RAP1B: variants seen among roughly 807,000 people sequenced by gnomAD.
The protein encoded by RAP1B is RAP1B, member of RAS oncogene family, also known as ras-related protein Rap-1b.
In RAP1B, 1 loss-of-function variant was observed where a neutral mutation model predicts 27.5. The ratio of observed to expected loss-of-function variants is 0.04; its 90% CI spans 0.01 to 0.17. The LOEUF (loss-of-function observed/expected upper bound fraction) is 0.17. RAP1B is among the 10% of genes least tolerant of loss of function. The probability of loss-of-function intolerance (pLI) is 1.00; values close to 1 mark genes in which losing one functional copy is unlikely to be tolerated. For synonymous variants in RAP1B, 75 were observed against 73.1 expected, an observed-to-expected ratio of 1.03 and a Z score of -0.13; for missense variants, 84 against 214.8, an observed-to-expected ratio of 0.39 and a Z score of 3.81.
intron 1 of RAP1B, among the ~76,000 whole-genome samples, chr12:68,639,296 C>CT (rs1182399351): frequency 6.6e-6 from 1 of 152,080 alleles, no homozygotes; most frequent in Non-Finnish European, 1.5e-5. Context: ...AGTATTTCCC[C>CT]TTTCCCTCAT....
intron 1 of RAP1B, among the ~76,000 whole-genome samples, chr12:68,628,230 A>G (rs752191345): frequency 4.6e-5 from 7 of 152,204 alleles, no homozygotes; most frequent in Non-Finnish European, 1.0e-4. Context: ...AAGAGATGAT[A>G]AATTTCTGAT....
intron 1 of RAP1B, among the ~76,000 whole-genome samples, chr12:68,611,956 A>G (rs1253751522): frequency 2.0e-5 from 3 of 152,150 alleles, no homozygotes; most frequent in African/African-American, 7.2e-5. Flanking sequence ...TCATTTTTGC[A>G]AGTTAAAGCA....
intron 1 of RAP1B, among the ~76,000 whole-genome samples, chr12:68,647,675 G>C (rs1230279449): frequency 6.6e-6 from 1 of 151,612 alleles, no homozygotes; most frequent in African/African-American, 2.4e-5. Flanking sequence ...AAAGACAGGA[G>C]CAGGTTAATG....
chr12:68,653,655 G>T (rs556933276), intron 4 of RAP1B, among the ~76,000 whole-genome samples: 1 of 152,014 alleles, frequency 6.6e-6, no homozygotes, highest in African/African-American at 2.4e-5. Flanking sequence ...CCAGCTGGGC[G>T]TGGTAGTTCA....
intron 1 of RAP1B, among the ~76,000 whole-genome samples, chr12:68,630,769 C>G (rs1334937931): frequency 1.3e-5 from 2 of 151,930 alleles, no homozygotes. Flanking sequence ...CCTCAACCTC[C>G]CCAGGCTCAG....
At chr12:68,622,535 A>G (rs1488253664) in intron 1 of RAP1B, among the ~76,000 whole-genome samples, 2 of 152,190 alleles carry the variant, frequency 1.3e-5, no homozygotes, top group Non-Finnish European at 2.9e-5. Flanking sequence ...GCCCTCTGCA[A>G]TTCTGCCTCA....
chr12:68,638,343 G>T (rs1168138326), intron 1 of RAP1B, among the ~76,000 whole-genome samples: 1 of 152,080 alleles, frequency 6.6e-6, no homozygotes, highest in Non-Finnish European at 1.5e-5. Context: ...TCATGTCCGT[G>T]CCCTAATTTT....
intron 1 of RAP1B, among the ~76,000 whole-genome samples, chr12:68,617,322 A>G (rs1487058371): frequency 2.0e-5 from 3 of 152,236 alleles, no homozygotes; most frequent in African/African-American, 7.2e-5. Context: ...CATTGTGCCA[A>G]CATATTTGTG....
At chr12:68,642,326 G>A (rs1423098205) in intron 1 of RAP1B, among the ~76,000 whole-genome samples, 3 of 151,958 alleles carry the variant, frequency 2.0e-5, no homozygotes, top group Admixed American at 6.6e-5. Context: ...AAATTCAAGC[G>A]AGAATGATAT....
Position 68,656,459 on chromosome 12 carries a change from A to G in RAP1B, c.468+10A>G, listed in dbSNP as rs768788036. On this transcript the variant is annotated intron_variant, in intron 6 of 7. Transcript: ENST00000250559. ...AATAAATGTTAATGAGGTATGGTCAAATATACTTAAAATGGGTCTTCATTT... is the reference window on the plus strand; with the variant it reads ...AATAAATGTTAATGAGGTATGGTCAGATATACTTAAAATGGGTCTTCATTT... 7 of 1,600,004 alleles carry G rather than the reference A, an allele frequency of 4.4e-6. No homozygotes were observed. The highest frequency in any genetic ancestry group is 1.3e-5 in the African/African-American group (1 of 74,592).
intron 1 of RAP1B, among the ~76,000 whole-genome samples, chr12:68,630,446 T>C (rs1047606251): frequency 3.9e-5 from 6 of 152,100 alleles, no homozygotes; most frequent in African/African-American, 7.2e-5. Flanking sequence ...AGGGAGCAAA[T>C]GGGATTTGGC....
At chr12:68,633,969 G>A (rs969500755) in intron 1 of RAP1B, among the ~76,000 whole-genome samples, 9 of 152,226 alleles carry the variant, frequency 5.9e-5, no homozygotes, top group South Asian at 2.1e-4. Flanking sequence ...TCCTCTTCCC[G>A]TGTAAGAAAT....
Position 68,642,655 on chromosome 12 carries a change from A to G in RAP1B, c.-26-6044A>G, listed in dbSNP as rs557422783. The G allele has an allele frequency of 1.1e-4, 128 of 1,128,580 alleles. 1 individual carries two copies. The South Asian group carries it at 1.5e-3, about 14-fold the overall frequency. The allele number at this position is 1,128,580 out of a possible 1,614,324, so 69.9% of individuals were successfully genotyped here. On this transcript the variant is annotated intron_variant, in intron 1 of 7. Coordinates refer to ENST00000250559, the MANE Select transcript of RAP1B (RefSeq NM_001010942.3). ...TCTTCATCTTCTCCATCTGTTTCTCATATTCTACAATCCTGGCCTTTGAGA... is the reference window on the plus strand; with the variant it reads ...TCTTCATCTTCTCCATCTGTTTCTCGTATTCTACAATCCTGGCCTTTGAGA...
chr12:68,651,991 C>T lies in RAP1B; in HGVS notation c.127-4C>T. Reference sequence around the variant, plus strand: ...ATGAACATGTATTTTAATTTTTCTACCAGCAAGTTGAAGTAGATGCACAAC... The same window carrying T: ...ATGAACATGTATTTTAATTTTTCTATCAGCAAGTTGAAGTAGATGCACAAC... On this transcript the variant is annotated splice_region_variant and splice_polypyrimidine_tract_variant and intron_variant, in intron 3 of 7. Coordinates refer to ENST00000250559, the MANE Select transcript of RAP1B (RefSeq NM_001010942.3). 1 of 1,610,214 alleles carries T rather than the reference C, an allele frequency of 6.2e-7. No homozygotes were observed. The highest frequency in any genetic ancestry group is 8.5e-7 in the Non-Finnish European group (1 of 1,177,206).
chr12:68,652,346 T>C (rs1873872676), intron 4 of RAP1B, among the ~76,000 whole-genome samples: 1 of 152,024 alleles, frequency 6.6e-6, no homozygotes, highest in South Asian at 2.1e-4. Context: ...CTCAGGAGGC[T>C]GAGGCAGGAG....
Position 68,664,223 on chromosome 12 carries a change from T to G in RAP1B, c.*4974T>G, listed in dbSNP as rs562681579. ...CTTCAGTCAGGTTTCAGTTTTTAAA[T>G]AGGCAGAGATCAAAAGCCTCTAATG... On this transcript the variant is annotated 3_prime_UTR_variant, in exon 8 of 8. Transcript: ENST00000250559. 6.6e-6 allele frequency: 1 copy of G among 152,344 alleles called. No individual in the cohort carries two copies. The highest frequency in any genetic ancestry group is 2.1e-4 in the South Asian group (1 of 4,828). 9.4% of individuals were successfully genotyped at this position (152,344 alleles called of 1,614,324 possible).
intron 1 of RAP1B, chr12:68,624,406 G>A (rs1871602890): frequency 1.3e-5 from 2 of 152,202 alleles, no homozygotes; most frequent in Admixed American, 1.3e-4. Context: ...TCCTAATAAT[G>A]TTTTTAAGAA....
intron 1 of RAP1B, among the ~76,000 whole-genome samples, chr12:68,643,508 T>C (rs1471598399): frequency 6.6e-6 from 1 of 152,222 alleles, no homozygotes; most frequent in African/African-American, 2.4e-5. Flanking sequence ...TAGTTAAGCA[T>C]CTCTTAGTCC....
chr12:68,625,432 T>TA (rs1188127677), intron 1 of RAP1B, among the ~76,000 whole-genome samples: 7 of 152,360 alleles, frequency 4.6e-5, no homozygotes, highest in Middle Eastern at 3.4e-3. Flanking sequence ...AAATTATTAT[T>TA]AGAGAAAATT....
Sources: gnomAD v4.1 joint callset for allele counts (sites outside exome capture counted in the v4.1 genomes callset) on GRCh38, gnomAD v4.1.1 for gene constraint, MANE v1.5 for transcripts, NCBI Gene and HGNC (gene_info 2026-07-23, HGNC 2026-07-21) for gene names.